Variants in CRY1 observed in about 807,000 individuals in gnomAD.
CRY1 encodes cryptochrome circadian regulator 1.
Under a neutral mutation model 76.0 loss-of-function variants are expected in CRY1, and 45 were observed. The ratio of observed to expected loss-of-function variants is 0.59; its 90% CI spans 0.47 to 0.76. CRY1 has a LOEUF of 0.76. CRY1 is among the 30% of genes least tolerant of loss of function. The probability of loss-of-function intolerance (pLI) is 0.00; values close to 1 mark genes in which losing one functional copy is unlikely to be tolerated. For missense variants in CRY1, 587 were observed against 716.4 expected (o/e 0.82, Z 2.06); for synonymous variants, 248 against 244.0 (o/e 1.02, Z -0.15).
At chr12:107,039,713 G>A (rs1462925098) in intron 1 of CRY1, among the ~76,000 whole-genome samples, 1 of 152,190 alleles carries the variant, frequency 6.6e-6, no homozygotes, top group Non-Finnish European at 1.5e-5. Flanking sequence ...AATGTTGGTG[G>A]CGCTGCAAAA....
rs185653002 is a variant in CRY1 at position 107,086,616 on chromosome 12, G to A, written c.158+6188C>T. Among the ~76,000 whole-genome samples, 382 of 152,344 alleles carry A rather than the reference G, an allele frequency of 2.5e-3. 4 individuals carry two copies. Among genetic ancestry groups the A allele is most frequent in the African/African-American group, 8.5e-3 (355 of 41,588 alleles). On this transcript the variant is annotated intron_variant, in intron 1 of 12. Coordinates refer to ENST00000008527, the MANE Select transcript of CRY1 (RefSeq NM_004075.5). ...TGCAGCCAGGGCTCAAAAGGCCCCA[G>A]GTACTGTCTGGACTGCCACTCCAGT...
chr12:107,015,165 C>T (rs1021116769), intron 2 of CRY1, among the ~76,000 whole-genome samples: 8 of 152,180 alleles, frequency 5.3e-5, no homozygotes, highest in Non-Finnish European at 1.0e-4. Flanking sequence ...CGTGAGCCAC[C>T]ACGCCCAGCC....
intron 1 of CRY1, among the ~76,000 whole-genome samples, chr12:107,035,850 C>G (rs1952727170): frequency 6.6e-6 from 1 of 152,216 alleles, no homozygotes; most frequent in Non-Finnish European, 1.5e-5. Flanking sequence ...CTCCCACAGT[C>G]TTCCAATCTC....
chr12:107,032,148 G>A (rs1045326311), intron 1 of CRY1, among the ~76,000 whole-genome samples: 5 of 151,742 alleles, frequency 3.3e-5, no homozygotes, highest in Non-Finnish European at 7.4e-5. Context: ...TGGCCAGGCT[G>A]GTCTGGAACT....
intron 1 of CRY1, among the ~76,000 whole-genome samples, chr12:107,058,882 T>C (rs1284160131): frequency 1.3e-5 from 2 of 152,220 alleles, no homozygotes; most frequent in African/African-American, 4.8e-5. Flanking sequence ...TTCATAATTA[T>C]TTTCAATTAT....
At chr12:107,006,636 A>ATAG (rs779827006) in intron 2 of CRY1, among the ~76,000 whole-genome samples, 1 of 76,530 alleles carries the variant, frequency 1.3e-5, no homozygotes, top group East Asian at 1.1e-3. Context: ...TGTATTAGTA[A>ATAG]TCTTTTTTTT....
chr12:107,000,234 G>C (rs2136822136), intron 5 of CRY1, 152 bp from the exon 6 acceptor site: 1 of 801,278 alleles, frequency 1.2e-6, no homozygotes, highest in Non-Finnish European at 1.9e-6. Context: ...TAAAAAATAA[G>C]ACAGGATAAA....
intron 1 of CRY1, among the ~76,000 whole-genome samples, chr12:107,092,269 G>A (rs1017176519): frequency 2.0e-5 from 3 of 152,194 alleles, no homozygotes; most frequent in African/African-American, 7.2e-5. Context: ...GCAACCACAA[G>A]GAGGAGTTGA....
chr12:107,021,009 C>T (rs1281520553), intron 2 of CRY1, among the ~76,000 whole-genome samples: 2 of 152,138 alleles, frequency 1.3e-5, no homozygotes, highest in Admixed American at 6.5e-5. Context: ...CAGTGCTGGG[C>T]GCAGTGGCTC....
intron 1 of CRY1, among the ~76,000 whole-genome samples, chr12:107,037,844 G>GACTAC (rs1257384486): frequency 6.6e-6 from 1 of 152,036 alleles, no homozygotes; most frequent in Non-Finnish European, 1.5e-5. Context: ...AAGTAGCTGG[G>GACTAC]ACTACAGGCA....
chr12:107,062,959 G>C (rs1171937734), intron 1 of CRY1, among the ~76,000 whole-genome samples: 2 of 152,094 alleles, frequency 1.3e-5, no homozygotes, highest in Non-Finnish European at 2.9e-5. Flanking sequence ...TCTGACATTT[G>C]CTATACTAGG....
intron 1 of CRY1, among the ~76,000 whole-genome samples, chr12:107,084,362 C>T (rs1031607289): frequency 2.0e-5 from 3 of 152,148 alleles, no homozygotes; most frequent in African/African-American, 7.2e-5. Flanking sequence ...AAAAAAGAGC[C>T]TGTATAGCCA....
intron 1 of CRY1, among the ~76,000 whole-genome samples, chr12:107,052,469 A>G (rs1284070162): frequency 1.3e-5 from 2 of 152,202 alleles, no homozygotes; most frequent in African/African-American, 4.8e-5. Context: ...TGAAGCTAAT[A>G]TTCTAGAAGG....
chr12:107,081,559 T>C (rs1397960966), intron 1 of CRY1, among the ~76,000 whole-genome samples: 1 of 152,052 alleles, frequency 6.6e-6, no homozygotes, highest in African/African-American at 2.4e-5. Flanking sequence ...GCAGCAACTT[T>C]TTCTGTTTTA....
intron 1 of CRY1, among the ~76,000 whole-genome samples, chr12:107,091,935 C>G (rs1201058104): frequency 1.3e-5 from 2 of 152,190 alleles, no homozygotes; most frequent in Admixed American, 6.5e-5. Context: ...CCCTTGTATT[C>G]TTTATCCCTT....
At chr12:107,074,253 T>A (rs938311186) in intron 1 of CRY1, among the ~76,000 whole-genome samples, 6 of 152,278 alleles carry the variant, frequency 3.9e-5, no homozygotes, top group African/African-American at 1.4e-4. Context: ...ATACCATACA[T>A]AATACCAATA....
At position 107,093,041 on chromosome 12, in the gene CRY1, G is replaced by A. The variant is rs1197543444; in HGVS notation, c.-80C>T. ...TCATAGCCGACACCTTCGCTTCCAA[G>A]AGAATTGCCTCACCCGGGGCGTGAG... On this transcript the variant is annotated 5_prime_UTR_variant, in exon 1 of 13. Transcript: ENST00000008527. The A allele has an allele frequency of 3.0e-5, 43 of 1,419,978 alleles. No individual in the cohort carries two copies. Among genetic ancestry groups the A allele is most frequent in the Non-Finnish European group, 3.8e-5 (41 of 1,085,824 alleles). 88.0% of individuals were successfully genotyped at this position (1,419,978 alleles called of 1,614,324 possible).
intron 1 of CRY1, among the ~76,000 whole-genome samples, chr12:107,065,863 T>A (rs1445824261): frequency 6.6e-6 from 1 of 152,194 alleles, no homozygotes; most frequent in Non-Finnish European, 1.5e-5. Context: ...CTTCAATTTA[T>A]CTCTGCCTCT....
chr12:107,033,084 T>C (rs1952696466), intron 1 of CRY1, among the ~76,000 whole-genome samples: 1 of 152,126 alleles, frequency 6.6e-6, no homozygotes, highest in South Asian at 2.1e-4. Flanking sequence ...GGACATAATC[T>C]TAGATACTGC....
Sources: allele counts gnomAD v4.1 joint callset (sites outside exome capture counted in the v4.1 genomes callset), GRCh38; gene constraint gnomAD v4.1.1; transcripts MANE v1.5; gene names NCBI Gene and HGNC (gene_info 2026-07-23, HGNC 2026-07-21).